ADAMTS12: variants seen among roughly 807,000 people sequenced by gnomAD.
ADAMTS12 encodes the protein A disintegrin and metalloproteinase with thrombospondin motifs 12.
In ADAMTS12, 118 loss-of-function variants were observed where a neutral mutation model predicts 167.8. The ratio of observed to expected loss-of-function variants is 0.70; its 90% confidence interval spans 0.61 to 0.82. ADAMTS12 has a LOEUF of 0.82. Among genes scored for constraint, ADAMTS12 ranks in the 40% least tolerant of loss-of-function variants. The probability of loss-of-function intolerance (pLI) is 0.00; values close to 1 mark genes in which losing one functional copy is unlikely to be tolerated. For synonymous variants in ADAMTS12, 704 were observed against 716.9 expected, an observed-to-expected ratio of 0.98 and a Z score of 0.29; for missense variants, 1,916 against 1,998.8, an observed-to-expected ratio of 0.96 and a Z score of 0.79.
At chr5:33,716,731 C>T (rs1018717386) in intron 3 of ADAMTS12, among the ~76,000 whole-genome samples, 1 of 152,062 alleles carries the variant, frequency 6.6e-6, no homozygotes, top group Non-Finnish European at 1.5e-5. Flanking sequence ...TTTGAAAAAA[C>T]TTGAGTAGTT....
At position 33,615,680 on chromosome 5, in the gene ADAMTS12, C is replaced by T. The variant is rs1004651707; in HGVS notation, c.2388+148G>A. 2.6e-6 allele frequency: 3 copies of T among 1,149,974 alleles called. No individual in the cohort carries two copies. In the African/African-American group the frequency reaches 4.7e-5, roughly 18 times the overall value. The allele number at this position is 1,149,974 out of a possible 1,614,324, so 71.2% of individuals were successfully genotyped here. On this transcript the variant is annotated intron_variant, in intron 15 of 23. Coordinates refer to ENST00000504830, the MANE Select transcript of ADAMTS12 (RefSeq NM_030955.4). ...TCTAGGCAATAAAGGATTAACAGCACAAACTAATATCTCATTCCCCTCCCT... is the reference window on the plus strand; with the variant it reads ...TCTAGGCAATAAAGGATTAACAGCATAAACTAATATCTCATTCCCCTCCCT...
rs879546539 is a variant in ADAMTS12, at chr5:33,526,354, A to G, written c.*834T>C. ...GGAAGACACATTTTCCCTTCTGCAA[A>G]GGAGTGTGTATTTGCCAGGAAAGTG... On this transcript the variant is annotated 3_prime_UTR_variant, in exon 24 of 24. Coordinates refer to ENST00000504830, the MANE Select transcript of ADAMTS12 (RefSeq NM_030955.4). The G allele has an allele frequency of 6.6e-6, 1 of 152,190 alleles. No homozygotes were observed. The highest frequency in any genetic ancestry group is 6.5e-5 in the Admixed American group (1 of 15,276). 9.4% of individuals were successfully genotyped at this position (152,190 alleles called of 1,614,324 possible).
intron 9 of ADAMTS12, among the ~76,000 whole-genome samples, chr5:33,644,921 G>A (rs748980111): frequency 1.2e-4 from 19 of 152,090 alleles, no homozygotes; most frequent in Non-Finnish European, 2.2e-4. Context: ...TAGTAGAGAC[G>A]GGGTTTCACA....
intron 3 of ADAMTS12, among the ~76,000 whole-genome samples, chr5:33,731,369 C>T (rs1387698930): frequency 6.6e-6 from 1 of 152,082 alleles, no homozygotes; most frequent in Non-Finnish European, 1.5e-5. Context: ...CTTTTCTCTA[C>T]ATTAAAGTGA....
At chr5:33,797,728 A>G (rs1746836160) in intron 2 of ADAMTS12, among the ~76,000 whole-genome samples, 2 of 152,214 alleles carry the variant, frequency 1.3e-5, no homozygotes, top group Admixed American at 1.3e-4. Flanking sequence ...TTCTAGCACA[A>G]TAAATACTGA....
At chr5:33,876,268 C>A (rs1405541992) in intron 2 of ADAMTS12, among the ~76,000 whole-genome samples, 1 of 152,110 alleles carries the variant, frequency 6.6e-6, no homozygotes, top group Admixed American at 6.5e-5. Context: ...AAAATCCCAG[C>A]AAGATTTTGT....
At chr5:33,567,951 T>A (rs1466497222) in intron 19 of ADAMTS12, among the ~76,000 whole-genome samples, 1 of 152,118 alleles carries the variant, frequency 6.6e-6, no homozygotes, top group Non-Finnish European at 1.5e-5. Context: ...CTCACAGGTA[T>A]GTACGATTCT....
chr5:33,594,374 T>C (rs534305585), intron 17 of ADAMTS12, among the ~76,000 whole-genome samples: 86 of 152,206 alleles, frequency 5.7e-4, no homozygotes, highest in Non-Finnish European at 1.1e-3. Flanking sequence ...TATCTGAATG[T>C]TTCATGCAGT....
intron 1 of ADAMTS12, among the ~76,000 whole-genome samples, chr5:33,881,847 T>C (rs1750461271): frequency 6.6e-6 from 1 of 151,726 alleles, no homozygotes; most frequent in Admixed American, 6.6e-5. Context: ...GTGCTAGAAT[T>C]ACAGGTGTGA....
At chr5:33,808,498 G>A (rs10755254) in intron 2 of ADAMTS12, among the ~76,000 whole-genome samples, 37,038 of 152,144 alleles carry the variant, frequency 0.24, 5,990 homozygotes, top group Non-Finnish European at 0.36. Flanking sequence ...AATTGCATAC[G>A]GTTAGAATAA....
At chr5:33,698,505 T>C (rs1398490423) in intron 3 of ADAMTS12, among the ~76,000 whole-genome samples, 2 of 152,228 alleles carry the variant, frequency 1.3e-5, no homozygotes, top group Admixed American at 1.3e-4. Flanking sequence ...GACATCTCTA[T>C]ATTCTTCTCA....
At position 33,643,452 on chromosome 5, in the gene ADAMTS12, A is replaced by G. The variant is rs761578644; in HGVS notation, c.1498T>C (p.Trp500Arg). ...CGACAAAAGCCCTTCACGGAGCACC[A>G]CAGTGTCTGGCAGACGTTCTAGAAA... ...QEVENVCQTLWCSVKGFCRSK... is the reference protein window; with the variant it reads ...QEVENVCQTLRCSVKGFCRSK... The change falls in exon 10 of 24, where the codon TGG becomes CGG. Residue 500 changes from tryptophan (W) to arginine (R), a missense_variant. By Grantham distance (101) the Trp-to-Arg change is moderately radical. Transcript: ENST00000504830. The G allele has an allele frequency of 2.5e-6, 4 of 1,614,094 alleles. No individual in the cohort carries two copies. In the East Asian group the frequency reaches 8.9e-5, roughly 36 times the overall value.
intron 21 of ADAMTS12, among the ~76,000 whole-genome samples, chr5:33,548,745 T>C (rs1745105779): frequency 6.7e-6 from 1 of 150,264 alleles, no homozygotes; most frequent in Non-Finnish European, 1.5e-5. Flanking sequence ...ATTTGTACAG[T>C]GATCTGAGAG....
chr5:33,687,141 C>T (rs1742364498), intron 3 of ADAMTS12, among the ~76,000 whole-genome samples: 3 of 150,668 alleles, frequency 2.0e-5, no homozygotes, highest in African/African-American at 7.3e-5. Flanking sequence ...ATTTTTCCAG[C>T]AAATAGGTAG....
In ADAMTS12 at chr5:33,649,603, G is replaced by T. The variant is rs756282824; in HGVS notation, c.1285C>A (p.Pro429Thr). The change falls in exon 8 of 24, where the codon CCG becomes ACG. Residue 429 changes from proline to threonine, a missense_variant. Physicochemically the swap from Pro to Thr is conservative, Grantham distance 38. Transcript: ENST00000504830. ...MSRQLQYDPT[P>T]LTWSKCSEEY... ...TCGCTGCACTTGGACCATGTCAGCG[G>T]AGTGGGATCGTACTGGAGCTGGCGG... is the stretch of plus-strand genomic sequence containing the variant. 1.2e-6 allele frequency: 2 copies of T among 1,614,082 alleles called. No individual in the cohort carries two copies. Among genetic ancestry groups the T allele is most frequent in the Non-Finnish European group, 1.7e-6 (2 of 1,179,930 alleles).
intron 19 of ADAMTS12, among the ~76,000 whole-genome samples, chr5:33,574,194 C>T (rs1746544522): frequency 6.6e-6 from 1 of 151,882 alleles, no homozygotes; most frequent in Admixed American, 6.6e-5. Context: ...TGTGGCGATT[C>T]CTCAGGGATC....
chr5:33,877,140 G>A (rs1241250935), intron 2 of ADAMTS12, among the ~76,000 whole-genome samples: 1 of 152,154 alleles, frequency 6.6e-6, no homozygotes, highest in Non-Finnish European at 1.5e-5. Context: ...CCCAGCAGGG[G>A]CTGGAATTAG....
At chr5:33,666,262 G>T (rs1021384118) in intron 5 of ADAMTS12, among the ~76,000 whole-genome samples, 4 of 152,198 alleles carry the variant, frequency 2.6e-5, no homozygotes, top group Non-Finnish European at 5.9e-5. Context: ...ACAACCACCT[G>T]CCGACATCAT....
At chr5:33,790,002 C>T (rs1007950628) in intron 2 of ADAMTS12, among the ~76,000 whole-genome samples, 3 of 152,136 alleles carry the variant, frequency 2.0e-5, no homozygotes, top group African/African-American at 4.8e-5. Context: ...CCTTTTCAAA[C>T]ATAACCACAA....
Sources: allele counts gnomAD v4.1 joint callset (sites outside exome capture counted in the v4.1 genomes callset), GRCh38; gene constraint gnomAD v4.1.1; transcripts MANE v1.5; gene names NCBI Gene and HGNC (gene_info 2026-07-23, HGNC 2026-07-21).